Variants in ANKS1B observed in about 807,000 individuals in gnomAD.
The protein encoded by ANKS1B is ankyrin repeat and sterile alpha motif domain containing 1B.
In ANKS1B, 36 loss-of-function variants were observed where a neutral mutation model predicts 148.3. The observed-to-expected ratio is 0.24, with a 90% CI of 0.19 to 0.32. The LOEUF is 0.32. ANKS1B is among the 10% of genes least tolerant of loss of function. The probability of loss-of-function intolerance (pLI) is 1.00; values close to 1 mark genes in which losing one functional copy is unlikely to be tolerated. For synonymous variants in ANKS1B, 542 were observed against 560.8 expected (o/e 0.97, Z 0.47); for missense variants, 1,157 against 1,542.6 (o/e 0.75, Z 4.19).
chr12:98,988,250 C>T (rs2099924579), intron 17 of ANKS1B, among the ~76,000 whole-genome samples: 1 of 152,052 alleles, frequency 6.6e-6, no homozygotes, highest in Non-Finnish European at 1.5e-5. Flanking sequence ...TCAACATCTC[C>T]CCAATTCCCT....
Position 99,915,099 on chromosome 12 carries a change from C to T in ANKS1B, c.134+69005G>A, listed in dbSNP as rs551488612. Reference sequence around the variant, plus strand: ...AATTATCTGGGCATGGTGATGCATGCCTGTAATCCTAGCTACTTGGGAGGC... The same window carrying T: ...AATTATCTGGGCATGGTGATGCATGTCTGTAATCCTAGCTACTTGGGAGGC... On this transcript the variant is annotated intron_variant, in intron 1 of 26. Transcript: ENST00000683438. Among the ~76,000 whole-genome samples the T allele has an allele frequency of 1.7e-4, 26 of 152,128 alleles. 1 individual carries two copies. In the South Asian group the frequency reaches 5.2e-3, roughly 30 times the overall value.
chr12:99,868,324 C>A (rs2091022065), intron 1 of ANKS1B, among the ~76,000 whole-genome samples: 1 of 152,100 alleles, frequency 6.6e-6, no homozygotes, highest in South Asian at 2.1e-4. Context: ...ACAGTATGAG[C>A]ACTTTCTTCT....
At chr12:99,042,602 T>C (rs539421448) in intron 17 of ANKS1B, among the ~76,000 whole-genome samples, 1 of 152,358 alleles carries the variant, frequency 6.6e-6, no homozygotes, top group African/African-American at 2.4e-5. Context: ...GGATAACTGA[T>C]AATGCTTCCC....
At chr12:99,279,440 C>A (rs951747916) in intron 12 of ANKS1B, among the ~76,000 whole-genome samples, 6 of 152,090 alleles carry the variant, frequency 3.9e-5, no homozygotes, top group African/African-American at 7.2e-5. Context: ...AAAAAAGAAA[C>A]CTTGCAGCAG....
intron 14 of ANKS1B, among the ~76,000 whole-genome samples, chr12:99,230,590 A>T (rs1231450234): frequency 6.6e-6 from 1 of 152,218 alleles, no homozygotes; most frequent in Non-Finnish European, 1.5e-5. Context: ...ATTTTAGAAT[A>T]CTAGAGAATC....
chr12:99,511,196 T>C (rs73147353), intron 9 of ANKS1B, among the ~76,000 whole-genome samples: 19,190 of 151,948 alleles, frequency 0.13, 1,527 homozygotes, highest in Non-Finnish European at 0.17. Context: ...GGTATGTTCC[T>C]TCAAAACCTA....
chr12:99,694,276 T>C (rs192510857), intron 8 of ANKS1B, among the ~76,000 whole-genome samples: 10 of 150,872 alleles, frequency 6.6e-5, no homozygotes, highest in Admixed American at 6.6e-4. Flanking sequence ...CTGCCTCTAT[T>C]AAAAATACAA....
At chr12:99,050,682 TTC>T (rs1441679021) in intron 17 of ANKS1B, among the ~76,000 whole-genome samples, 2 of 120,676 alleles carry the variant, frequency 1.7e-5, no homozygotes, top group Admixed American at 2.1e-4. Context: ...TTTTCTTTTT[TTC>T]TTTTTCTTTT....
At chr12:99,311,619 A>C (rs2154026062) in intron 12 of ANKS1B, among the ~76,000 whole-genome samples, 1 of 152,266 alleles carries the variant, frequency 6.6e-6, no homozygotes, top group Admixed American at 6.5e-5. Context: ...TAATTACCCA[A>C]ACTGGAAAGT....
intron 9 of ANKS1B, among the ~76,000 whole-genome samples, chr12:99,531,562 TAGC>T (rs1471780067): frequency 6.6e-6 from 1 of 152,150 alleles, no homozygotes; most frequent in East Asian, 1.9e-4. Flanking sequence ...TATGGCTGAG[TAGC>T]ATTCCATGGT....
At chr12:99,660,231 C>T (rs1215055770) in intron 8 of ANKS1B, among the ~76,000 whole-genome samples, 1 of 152,146 alleles carries the variant, frequency 6.6e-6, no homozygotes, top group Non-Finnish European at 1.5e-5. Context: ...CTCGGTCCCA[C>T]ATTCAGTGGG....
intron 17 of ANKS1B, among the ~76,000 whole-genome samples, chr12:98,967,647 A>AGGGAAGGGGAGGGGAGGGGAGGGGAGGGG (rs2099879475): frequency 4.2e-5 from 4 of 95,002 alleles, no homozygotes; most frequent in African/African-American, 5.3e-5. Context: ...GAGGGGAGGG[A>AGGGAAGGGGAGGGGAGGGGAGGGGAGGGG]AGAGGAGGGG....
chr12:99,607,189 T>G (rs1032461338), intron 9 of ANKS1B, among the ~76,000 whole-genome samples: 4 of 152,052 alleles, frequency 2.6e-5, no homozygotes, highest in African/African-American at 9.7e-5. Context: ...GTCCTAGACT[T>G]CACCATAGCC....
At chr12:99,213,281 G>A (rs148171350) in intron 14 of ANKS1B, among the ~76,000 whole-genome samples, 55 of 152,256 alleles carry the variant, frequency 3.6e-4, no homozygotes, top group African/African-American at 1.2e-3. Context: ...GCCTGGCAGC[G>A]GGTCATTTCA....
At chr12:99,819,507 GATA>G (rs1313765688) in intron 2 of ANKS1B, among the ~76,000 whole-genome samples, 1 of 151,650 alleles carries the variant, frequency 6.6e-6, no homozygotes, top group Non-Finnish European at 1.5e-5. Context: ...CTGGATTACA[GATA>G]ATGAGATCTA....
chr12:99,327,456 A>T (rs2086692631), intron 12 of ANKS1B, among the ~76,000 whole-genome samples: 1 of 135,362 alleles, frequency 7.4e-6, no homozygotes, highest in African/African-American at 2.8e-5. Context: ...ATATTATATT[A>T]TAATTATATA....
intron 22 of ANKS1B, among the ~76,000 whole-genome samples, chr12:98,791,402 C>G (rs530870130): frequency 6.6e-6 from 1 of 152,076 alleles, no homozygotes; most frequent in Admixed American, 6.5e-5. Context: ...TAAGGAGTTA[C>G]CTATGTGGCT....
chr12:99,430,767 TG>T (rs2095356484), intron 11 of ANKS1B, among the ~76,000 whole-genome samples: 1 of 152,216 alleles, frequency 6.6e-6, no homozygotes, highest in East Asian at 1.9e-4. Flanking sequence ...CCTTGTAGGT[TG>T]GCTAGCTGTG....
intron 8 of ANKS1B, among the ~76,000 whole-genome samples, chr12:99,741,836 T>C (rs554180634): frequency 2.8e-4 from 42 of 152,074 alleles, no homozygotes; most frequent in African/African-American, 6.0e-4. Flanking sequence ...GACACAGGTA[T>C]ACCCATGTAA....
Sources: gnomAD v4.1 joint callset for allele counts (sites outside exome capture counted in the v4.1 genomes callset) on GRCh38, gnomAD v4.1.1 for gene constraint, MANE v1.5 for transcripts, NCBI Gene and HGNC (gene_info 2026-07-23, HGNC 2026-07-21) for gene names.